Variants in EHBP1 observed in about 807,000 individuals in gnomAD.
The protein encoded by EHBP1 is EH domain binding protein 1, also known as EH domain-binding protein 1.
A neutral mutation model predicts 144.0 loss-of-function variants in EHBP1; 55 were observed. The observed-to-expected ratio is 0.38, with a 90% confidence interval of 0.31 to 0.48. EHBP1 has a LOEUF of 0.48. Ranked by LOEUF, EHBP1 falls within the 20% of genes least tolerant of loss-of-function variation. The pLI, the probability that EHBP1 is intolerant of heterozygous loss-of-function variation, is 0.98. For missense variants in EHBP1, 1,200 were observed against 1,364.2 expected (o/e 0.88, Z 1.90); for synonymous variants, 469 against 472.7 (o/e 0.99, Z 0.10).
intron 1 of EHBP1, among the ~76,000 whole-genome samples, chr2:62,686,564 T>A (rs1297820622): frequency 6.6e-6 from 1 of 152,220 alleles, no homozygotes; most frequent in Non-Finnish European, 1.5e-5. Flanking sequence ...ACCGTATTGC[T>A]CTCTGCAATG....
At chr2:62,897,467 T>C (rs1480247430) in intron 10 of EHBP1, among the ~76,000 whole-genome samples, 1 of 152,238 alleles carries the variant, frequency 6.6e-6, no homozygotes, top group African/African-American at 2.4e-5. Flanking sequence ...TGAGTCAAAG[T>C]ATAAATGACT....
intron 19 of EHBP1, among the ~76,000 whole-genome samples, chr2:63,027,163 TTA>T (rs2061017982): frequency 6.6e-6 from 1 of 152,168 alleles, no homozygotes. Flanking sequence ...TTGAGATAAA[TTA>T]TATAACCTCA....
Position 62,766,086 on chromosome 2 carries a change from A to G in EHBP1, c.258+1725A>G, listed in dbSNP as rs571936703. Among the ~76,000 whole-genome samples the G allele has an allele frequency of 3.3e-5, 5 of 152,300 alleles. No homozygotes were observed. In the South Asian group the frequency reaches 1.0e-3, roughly 32 times the overall value. ...TACCTATGTGAATTTACTCATAAAA[A>G]TAGTTGCTTCAATACAGCTCAAACT... On this transcript the variant is annotated intron_variant, in intron 4 of 22. Coordinates refer to ENST00000431489, the MANE Select transcript of EHBP1 (RefSeq NM_001142616.3).
chr2:62,842,900 T>G (rs1015291362), intron 7 of EHBP1, among the ~76,000 whole-genome samples: 1 of 152,186 alleles, frequency 6.6e-6, no homozygotes, highest in Non-Finnish European at 1.5e-5. Context: ...TCTACACTAG[T>G]ATTGAAAGGA....
At chr2:62,909,811 G>C (rs1312038226) in intron 10 of EHBP1, among the ~76,000 whole-genome samples, 1 of 152,116 alleles carries the variant, frequency 6.6e-6, no homozygotes, top group Non-Finnish European at 1.5e-5. Context: ...AGGCTGGAGT[G>C]CAGTGGCGCA....
At chr2:62,820,102 T>C (rs1041318444) in intron 5 of EHBP1, among the ~76,000 whole-genome samples, 4 of 151,708 alleles carry the variant, frequency 2.6e-5, no homozygotes, top group Non-Finnish European at 5.9e-5. Context: ...TCCCAGCTGC[T>C]CTGGAGGCTG....
chr2:63,039,457 T>C (rs1331225463), intron 21 of EHBP1, among the ~76,000 whole-genome samples: 3 of 152,220 alleles, frequency 2.0e-5, no homozygotes, highest in Non-Finnish European at 4.4e-5. Flanking sequence ...TTTATAATGC[T>C]GTTCTCCTTA....
Position 62,988,181 on chromosome 2 carries a change from TC to T in EHBP1, c.2609-2533del. ...ATAAACCATTTAGCTTAGTCCACCT[TC>T]CATCAATTTTATGTTATTTTGTTTT... On this transcript the variant is annotated intron_variant, in intron 15 of 22. Transcript: ENST00000431489. 7 of 552,986 alleles carry T rather than the reference TC, an allele frequency of 1.3e-5. No individual in the cohort carries two copies. In the South Asian group the frequency reaches 1.7e-4, roughly 14 times the overall value. 34.3% of individuals were successfully genotyped at this position (552,986 alleles called of 1,614,324 possible).
At chr2:63,042,091 A>T (rs888167274) in intron 21 of EHBP1, among the ~76,000 whole-genome samples, 3 of 152,156 alleles carry the variant, frequency 2.0e-5, no homozygotes, top group Non-Finnish European at 2.9e-5. Context: ...ACTTAATCCT[A>T]TTTGTTACAA....
intron 3 of EHBP1, among the ~76,000 whole-genome samples, chr2:62,756,440 G>A (rs779296001): frequency 6.6e-6 from 1 of 152,144 alleles, no homozygotes; most frequent in Non-Finnish European, 1.5e-5. Context: ...CTTGTGAAAA[G>A]TTAGTATGAT....
At chr2:62,891,160 A>C (rs1487320479) in intron 10 of EHBP1, among the ~76,000 whole-genome samples, 3 of 119,910 alleles carry the variant, frequency 2.5e-5, no homozygotes, top group East Asian at 6.3e-4. Context: ...CTGGGCGACA[A>C]AAAAAAAAAA....
At chr2:62,772,215 A>AGAAGGAGAGAAAGAGAAG (rs2041723250) in intron 5 of EHBP1, 1 of 150,826 alleles carries the variant, frequency 6.6e-6, no homozygotes, top group Non-Finnish European at 1.5e-5. Context: ...GAAGAAAGAG[A>AGAAGGAGAGAAAGAGAAG]GAAGGAGAGA....
At chr2:62,884,796 T>C (rs2051781836) in intron 10 of EHBP1, among the ~76,000 whole-genome samples, 1 of 152,210 alleles carries the variant, frequency 6.6e-6, no homozygotes, top group Non-Finnish European at 1.5e-5. Context: ...CTGAAGACTT[T>C]GCAGCATCAA....
chr2:62,784,952 G>A (rs1406514814), intron 5 of EHBP1, among the ~76,000 whole-genome samples: 2 of 152,056 alleles, frequency 1.3e-5, no homozygotes, highest in Admixed American at 1.3e-4. Flanking sequence ...TAAGCTATCA[G>A]GAAGCATGGA....
intron 18 of EHBP1, 37 bp from the exon 19 acceptor site, chr2:62,996,606 T>C: frequency 6.2e-7 from 1 of 1,612,052 alleles, no homozygotes; most frequent in Non-Finnish European, 8.5e-7. Context: ...AACTTACAAG[T>C]GATTTTTTTT....
intron 14 of EHBP1, among the ~76,000 whole-genome samples, chr2:62,957,083 G>T (rs1413948009): frequency 2.0e-5 from 3 of 152,148 alleles, no homozygotes; most frequent in African/African-American, 7.2e-5. Context: ...GAACATAGAT[G>T]TAAAAATCCT....
chr2:62,787,595 T>G (rs1459224517), intron 5 of EHBP1, among the ~76,000 whole-genome samples: 1 of 152,180 alleles, frequency 6.6e-6, no homozygotes, highest in African/African-American at 2.4e-5. Flanking sequence ...TGTAATGGAA[T>G]AACACATAAG....
At chr2:62,922,283 T>A (rs2055152717) in intron 10 of EHBP1, among the ~76,000 whole-genome samples, 1 of 152,178 alleles carries the variant, frequency 6.6e-6, no homozygotes, top group South Asian at 2.1e-4. Context: ...GGTCTTGCTG[T>A]CTTGGGGTGG....
At chr2:62,823,156 T>C (rs1347902801) in intron 5 of EHBP1, among the ~76,000 whole-genome samples, 3 of 152,132 alleles carry the variant, frequency 2.0e-5, no homozygotes, top group Non-Finnish European at 4.4e-5. Context: ...ACATTTTTAA[T>C]AATGTTTCTT....
Sources: gnomAD v4.1 joint callset for allele counts (sites outside exome capture counted in the v4.1 genomes callset) on GRCh38, gnomAD v4.1.1 for gene constraint, MANE v1.5 for transcripts, NCBI Gene and HGNC (gene_info 2026-07-23, HGNC 2026-07-21) for gene names.